The following NSMAF variants were observed in gnomAD, a reference collection of about 807,000 sequenced individuals.
NSMAF encodes protein FAN.
Under a neutral mutation model 134.9 loss-of-function variants are expected in NSMAF, and 90 were observed. That is an observed-to-expected ratio of 0.67 (90% confidence interval 0.56 to 0.79). The LOEUF (loss-of-function observed/expected upper bound fraction) is 0.79, where lower values mean the gene tolerates loss of function less well. Ranked by LOEUF, NSMAF falls within the 30% of genes least tolerant of loss-of-function variation. The pLI, the probability that NSMAF is intolerant of heterozygous loss-of-function variation, is 0.00. For missense variants in NSMAF, 1,010 were observed against 1,119.0 expected (o/e 0.90, Z 1.39); for synonymous variants, 358 against 389.6 (o/e 0.92, Z 0.96).
chr8:58,630,172 C>T (rs1050666337), intron 6 of NSMAF, among the ~76,000 whole-genome samples: 8 of 152,112 alleles, frequency 5.3e-5, no homozygotes, highest in South Asian at 4.1e-4. Context: ...TCATGCTCAC[C>T]GGGGGTGCAG....
chr8:58,589,940 C>T, intron 25 of NSMAF, 67 bp downstream of exon 25: 2 of 1,367,348 alleles, frequency 1.5e-6, no homozygotes, highest in Non-Finnish European at 2.1e-6. Flanking sequence ...TGGCTTTTCA[C>T]ACCTCATGTC....
At position 58,626,094 on chromosome 8, in the gene NSMAF, T is replaced by G. The variant is rs1417488987; in HGVS notation, c.385-2314A>C. On this transcript the variant is annotated intron_variant, in intron 6 of 30. Transcript: ENST00000038176. ...CCCCAAAGTCCATTATATAATTCTTTTTTTTTTTTTTTTTTTTTGAGATGG... is the reference window on the plus strand; with the variant it reads ...CCCCAAAGTCCATTATATAATTCTTGTTTTTTTTTTTTTTTTTTGAGATGG... Among the ~76,000 whole-genome samples, 64 of 134,072 alleles carry G rather than the reference T, an allele frequency of 4.8e-4. 4 individuals carry two copies. The highest frequency in any genetic ancestry group is 3.1e-3 in the East Asian group (14 of 4,474). The allele number at this position is 134,072 out of a possible 152,430, so 88.0% of individuals were successfully genotyped here.
intron 1 of NSMAF, among the ~76,000 whole-genome samples, chr8:58,650,386 T>C (rs1364127255): frequency 6.6e-6 from 1 of 152,268 alleles, no homozygotes; most frequent in Non-Finnish European, 1.5e-5. Context: ...TTAAAACTAA[T>C]AATTATAAAC....
intron 30 of NSMAF, 47 bp from the exon 31 acceptor site, chr8:58,584,247 C>T (rs1368519017): frequency 7.2e-7 from 1 of 1,389,680 alleles, no homozygotes; most frequent in South Asian, 1.2e-5. Context: ...CCAGGAGGCA[C>T]CCAAAGATAA....
At chr8:58,640,855 C>T (rs1807318677) in intron 2 of NSMAF, among the ~76,000 whole-genome samples, 1 of 152,026 alleles carries the variant, frequency 6.6e-6, no homozygotes, top group Admixed American at 6.6e-5. Flanking sequence ...GTGTGAACCA[C>T]CACACCTGAA....
rs1041502437 is a variant in NSMAF, at chr8:58,599,682, A to G, written c.1453+68T>C. 1.4e-5 allele frequency: 21 copies of G among 1,530,854 alleles called. No individual in the cohort carries two copies. The Admixed American group carries it at 3.7e-4, about 27-fold the overall frequency. 94.8% of individuals were successfully genotyped at this position (1,530,854 alleles called of 1,614,324 possible). ...GATTTTTAAAAATCTAAGCAATAAA[A>G]TAATTACTGAAATTGCACTACTTGG... On this transcript the variant is annotated intron_variant, in intron 18 of 30. Transcript: ENST00000038176.
chr8:58,599,426 GTCTA>G (rs1307665411), intron 18 of NSMAF, 63 bp from the exon 19 acceptor site: 8 of 1,564,986 alleles, frequency 5.1e-6, no homozygotes, highest in Non-Finnish European at 7.0e-6. Flanking sequence ...CATTTCTCTT[GTCTA>G]TCTATATGTA....
At chr8:58,626,285 C>G (rs1317564430) in intron 6 of NSMAF, among the ~76,000 whole-genome samples, 3 of 130,308 alleles carry the variant, frequency 2.3e-5, no homozygotes, top group Admixed American at 1.5e-4. Context: ...TTAGTAGAGA[C>G]AGGTTTCACA....
Position 58,589,617 on chromosome 8 carries a change from ATT to A in NSMAF, c.2088-44_2088-43del, listed in dbSNP as rs773498192. On this transcript the variant is annotated intron_variant, in intron 25 of 30. Coordinates refer to ENST00000038176, the MANE Select transcript of NSMAF (RefSeq NM_003580.4). ...AGCATTAAAACAGTAGTCTGGCTTA[ATT>A]TTAAGGCTCCTAAACATATATTAAA... The A allele has an allele frequency of 2.0e-6, 3 of 1,531,598 alleles. No homozygotes were observed. In the South Asian group the frequency reaches 3.9e-5, roughly 20 times the overall value. The allele number at this position is 1,531,598 out of a possible 1,614,324, so 94.9% of individuals were successfully genotyped here. A position where few individuals can be genotyped will look rare whatever the true frequency, so the allele number is the denominator to read the frequency against.
Position 58,635,479 on chromosome 8 carries a change from GCTGGGATATTGAAT to G in NSMAF, c.203_216del (p.Asp68AlafsTer23). On this transcript the variant is annotated frameshift_variant, in exon 3 of 31. Coordinates refer to ENST00000038176, the MANE Select transcript of NSMAF (RefSeq NM_003580.4). LOFTEE classifies it high-confidence loss of function. ...TAAAATGTATTTACCTTGATGATGG[GCTGGGATATTGAAT>G]CTGGTTCAAAAATCACCGATTTTGA... is the stretch of plus-strand genomic sequence containing the variant. 1.2e-6 allele frequency: 2 copies of G among 1,602,584 alleles called. No individual in the cohort carries two copies. The highest frequency in any genetic ancestry group is 1.7e-6 in the Non-Finnish European group (2 of 1,175,010).
chr8:58,596,549 G>T (rs1806138900), intron 21 of NSMAF, among the ~76,000 whole-genome samples: 1 of 152,220 alleles, frequency 6.6e-6, no homozygotes, highest in African/African-American at 2.4e-5. Flanking sequence ...CCTAGCACAT[G>T]CCCAGCGCAG....
intron 1 of NSMAF, among the ~76,000 whole-genome samples, chr8:58,645,431 C>A (rs1261462378): frequency 6.6e-6 from 1 of 152,120 alleles, no homozygotes; most frequent in East Asian, 1.9e-4. Flanking sequence ...AGGCAGGAGT[C>A]TGGTACATTA....
intron 6 of NSMAF, among the ~76,000 whole-genome samples, chr8:58,624,091 G>A (rs1228333932): frequency 6.9e-6 from 1 of 144,772 alleles, no homozygotes; most frequent in African/African-American, 2.6e-5. Flanking sequence ...GCCCAGGCTG[G>A]CGTGCAGTGG....
chr8:58,630,171 C>G (rs1807025667), intron 6 of NSMAF, among the ~76,000 whole-genome samples: 1 of 152,232 alleles, frequency 6.6e-6, no homozygotes, highest in East Asian at 1.9e-4. Flanking sequence ...TTCATGCTCA[C>G]CGGGGGTGCA....
chr8:58,585,960 A>C lies in NSMAF; in HGVS notation c.2487T>G (p.Leu829=). The change falls in exon 29 of 31, where the codon CTT becomes CTG. Residue 829 remains leucine (L), a synonymous_variant. Transcript: ENST00000038176. ...TTCCTGTCTGCACATCAATGACATT[A>C]AGACAGCCATCTGTTCCTGTGCTGA... ...HVLSTGTDGC[L]NVIDVQTGML... is the part of the protein sequence containing the mutation. 6.2e-7 allele frequency: 1 copy of C among 1,614,080 alleles called. No homozygotes were observed. The highest frequency in any genetic ancestry group is 1.6e-4 in the Middle Eastern group (1 of 6,062).
At position 58,623,251 on chromosome 8, in the gene NSMAF, G is replaced by C; in HGVS notation, c.526C>G (p.Arg176Gly). Residue 176 changes from arginine (R) to glycine (G), a missense_variant, in exon 9 of 31, where the codon CGT becomes GGT. By Grantham distance (125) the Arg-to-Gly change is moderately radical. Transcript: ENST00000038176. ...TTGTCAAATGATGTTCTAGCTAAACGAGACTGCAAAATAGCTGTTATCTAT... is the reference window on the plus strand; with the variant it reads ...TTGTCAAATGATGTTCTAGCTAAACCAGACTGCAAAATAGCTGTTATCTAT... ...TAMITAILQS[R>G]LARTSFDKNR... 2 of 1,610,496 alleles carry C rather than the reference G, an allele frequency of 1.2e-6. No individual in the cohort carries two copies. Among genetic ancestry groups the C allele is most frequent in the Non-Finnish European group, 1.7e-6 (2 of 1,178,044 alleles).
chr8:58,586,600 T>A lies in NSMAF; in HGVS notation c.2304A>T (p.Thr768=). Residue 768 remains threonine, a synonymous_variant, in exon 28 of 31, where the codon ACA becomes ACT. Transcript: ENST00000038176. ...AELEHDVSVD[T]ISLNAASTLL... is the part of the protein sequence containing the mutation. ...GTGTGCTTGCAGCATTTAAACTGAT[T>A]GTATCTACCTAAGGAAGAAAACACA... 2 of 1,612,204 alleles carry A rather than the reference T, an allele frequency of 1.2e-6. No individual in the cohort carries two copies. Among genetic ancestry groups the A allele is most frequent in the East Asian group, 4.5e-5 (2 of 44,868 alleles).
chr8:58,610,990 C>T (rs1239248797), intron 9 of NSMAF, among the ~76,000 whole-genome samples: 2 of 152,140 alleles, frequency 1.3e-5, no homozygotes, highest in African/African-American at 2.4e-5. Context: ...TTGACAGAGC[C>T]TCCCTGTACA....
chr8:58,593,296 A>T (rs576754936), intron 23 of NSMAF, among the ~76,000 whole-genome samples: 1 of 152,244 alleles, frequency 6.6e-6, no homozygotes, highest in Non-Finnish European at 1.5e-5. Flanking sequence ...TTTGTGGAAA[A>T]TTTTTTTATA....
Sources: allele counts gnomAD v4.1 joint callset (sites outside exome capture counted in the v4.1 genomes callset), GRCh38; gene constraint gnomAD v4.1.1; transcripts MANE v1.5; gene names NCBI Gene and HGNC (gene_info 2026-07-23, HGNC 2026-07-21).